OCA2: variants seen among roughly 807,000 people sequenced by gnomAD.
OCA2 encodes the protein P protein.
In OCA2, 77 loss-of-function variants were observed where a neutral mutation model predicts 100.2. The ratio of observed to expected loss-of-function variants is 0.77; its 90% confidence interval spans 0.64 to 0.93. The LOEUF (loss-of-function observed/expected upper bound fraction) is 0.93, where lower values mean the gene tolerates loss of function less well. OCA2 is among the 40% of genes least tolerant of loss of function. The pLI, the probability that OCA2 is intolerant of heterozygous loss-of-function variation, is 0.00. For synonymous variants in OCA2, 432 were observed against 439.2 expected, an observed-to-expected ratio of 0.98 and a Z score of 0.21; for missense variants, 1,062 against 1,089.1, an observed-to-expected ratio of 0.98 and a Z score of 0.35.
chr15:28,055,037 G>A (rs893577904), intron 2 of OCA2, among the ~76,000 whole-genome samples: 4 of 152,194 alleles, frequency 2.6e-5, no homozygotes, highest in Non-Finnish European at 5.9e-5. Context: ...CCCTTGACAT[G>A]TGGGGATTAT....
intron 18 of OCA2, among the ~76,000 whole-genome samples, chr15:27,949,582 G>A (rs1229042433): frequency 2.0e-5 from 3 of 152,142 alleles, no homozygotes; most frequent in Non-Finnish European, 4.4e-5. Context: ...AGAATTGCTT[G>A]AGCCCAGGAG....
chr15:28,026,957 G>C (rs908603932), intron 4 of OCA2, among the ~76,000 whole-genome samples: 1 of 152,240 alleles, frequency 6.6e-6, no homozygotes, highest in Non-Finnish European at 1.5e-5. Flanking sequence ...TCGCGTGACA[G>C]GGTACCGTCG....
intron 2 of OCA2, among the ~76,000 whole-genome samples, chr15:28,036,245 A>C (rs2043041962): frequency 6.6e-6 from 1 of 152,172 alleles, no homozygotes; most frequent in Admixed American, 6.5e-5. Flanking sequence ...ACACTATGTG[A>C]GTCCTGGTAG....
At chr15:27,929,107 T>A (rs2039152589) in intron 18 of OCA2, among the ~76,000 whole-genome samples, 1 of 152,228 alleles carries the variant, frequency 6.6e-6, no homozygotes, top group South Asian at 2.1e-4. Flanking sequence ...ATGTTTTGTA[T>A]AAATCCCAGC....
chr15:27,747,292 A>G, the OCA2 span, among the ~76,000 whole-genome samples: 1 of 152,178 alleles, frequency 6.6e-6, no homozygotes, highest in Admixed American at 6.5e-5. Flanking sequence ...CAGCACAACA[A>G]ATGTCCTGCA....
At chr15:28,006,322 T>C (rs991372016) in intron 9 of OCA2, among the ~76,000 whole-genome samples, 3 of 152,166 alleles carry the variant, frequency 2.0e-5, no homozygotes, top group African/African-American at 4.8e-5. Flanking sequence ...GCTCACTGCA[T>C]GTGCAGGAAC....
At chr15:28,010,038 A>C (rs2042197772) in intron 9 of OCA2, among the ~76,000 whole-genome samples, 1 of 152,282 alleles carries the variant, frequency 6.6e-6, no homozygotes, top group Non-Finnish European at 1.5e-5. Context: ...ATGCAAGTCT[A>C]GTCCAATATT....
intron 23 of OCA2, among the ~76,000 whole-genome samples, chr15:27,819,707 T>C (rs955410319): frequency 8.5e-6 from 1 of 118,118 alleles, no homozygotes; most frequent in African/African-American, 2.9e-5. Context: ...CATAGACCAA[T>C]GTATATAAAT....
chr15:27,744,529 C>T, the OCA2 span, among the ~76,000 whole-genome samples: 1 of 152,176 alleles, frequency 6.6e-6, no homozygotes, highest in Non-Finnish European at 1.5e-5. Context: ...TTGGGTTTCT[C>T]TGTTAAAATT....
chr15:27,899,917 A>G (rs1180161492), intron 19 of OCA2, among the ~76,000 whole-genome samples: 1 of 152,124 alleles, frequency 6.6e-6, no homozygotes, highest in Non-Finnish European at 1.5e-5. Flanking sequence ...CCAGTGACCC[A>G]CTTCAGCAAT....
chr15:28,085,268 C>T lies in OCA2; in HGVS notation c.-21-3373G>A, dbSNP rs140540886. Among the ~76,000 whole-genome samples the T allele has an allele frequency of 7.7e-3, 1,168 of 152,294 alleles. 17 individuals carry two copies. Among genetic ancestry groups the T allele is most frequent in the African/African-American group, 0.027 (1,116 of 41,554 alleles). On this transcript the variant is annotated intron_variant, in intron 1 of 23. Transcript: ENST00000354638. ...ACTTAAACCCCACACACCCTTCCCC[C>T]TTTCACTCCCAGCTGCTGCCTCTGC...
At chr15:28,025,982 C>T (rs1045157581) in intron 4 of OCA2, among the ~76,000 whole-genome samples, 1 of 152,306 alleles carries the variant, frequency 6.6e-6, no homozygotes, top group African/African-American at 2.4e-5. Flanking sequence ...TTCCCAATTA[C>T]GATTCAACAG....
intron 9 of OCA2, among the ~76,000 whole-genome samples, chr15:27,997,140 A>AAGGAAGGAAG (rs1566776198): frequency 2.3e-4 from 8 of 35,146 alleles, no homozygotes; most frequent in African/African-American, 3.4e-4. Flanking sequence ...AGAAGGAAGG[A>AAGGAAGGAAG]AGAGAGAGAG....
At chr15:27,801,196 GAAC>G (rs1287350239) in intron 23 of OCA2, among the ~76,000 whole-genome samples, 1 of 152,110 alleles carries the variant, frequency 6.6e-6, no homozygotes, top group Non-Finnish European at 1.5e-5. Flanking sequence ...GGAAACTACA[GAAC>G]AATCTCTTAT....
intron 19 of OCA2, among the ~76,000 whole-genome samples, chr15:27,924,359 A>G (rs894998796): frequency 7.9e-5 from 12 of 152,074 alleles, no homozygotes; most frequent in Admixed American, 7.9e-4. Context: ...AGACCCATGC[A>G]GTTCAAATCC....
chr15:28,038,430 G>A (rs1226802612), intron 2 of OCA2, among the ~76,000 whole-genome samples: 1 of 152,098 alleles, frequency 6.6e-6, no homozygotes, highest in Non-Finnish European at 1.5e-5. Context: ...TAAGTGTAAC[G>A]TAACACAGAA....
At chr15:27,866,371 G>A (rs1018138611) in intron 21 of OCA2, among the ~76,000 whole-genome samples, 1 of 152,216 alleles carries the variant, frequency 6.6e-6, no homozygotes, top group Admixed American at 6.5e-5. Flanking sequence ...CAGGAGGGAG[G>A]TGCACAGCTA....
chr15:28,038,685 T>G (rs969962085), intron 2 of OCA2, among the ~76,000 whole-genome samples: 21 of 152,178 alleles, frequency 1.4e-4, no homozygotes, highest in Non-Finnish European at 1.9e-4. Context: ...TCAAGCAAGA[T>G]GCATGCTCAG....
At chr15:27,949,727 GAT>G in intron 18 of OCA2, among the ~76,000 whole-genome samples, 1 of 152,108 alleles carries the variant, frequency 6.6e-6, no homozygotes, top group Non-Finnish European at 1.5e-5. Context: ...CTTCACCAAA[GAT>G]AAATGATCAC....
Sources: allele counts gnomAD v4.1 joint callset (sites outside exome capture counted in the v4.1 genomes callset), GRCh38; gene constraint gnomAD v4.1.1; transcripts MANE v1.5; gene names NCBI Gene and HGNC (gene_info 2026-07-23, HGNC 2026-07-21).